DROSHA: variants seen among roughly 807,000 people sequenced by gnomAD.
The protein encoded by DROSHA is ribonuclease 3.
In DROSHA, 56 loss-of-function variants were observed where a neutral mutation model predicts 181.9. The ratio of observed to expected loss-of-function variants is 0.31; its 90% CI spans 0.25 to 0.38. The LOEUF is 0.38. Ranked by LOEUF, DROSHA falls within the 10% of genes least tolerant of loss-of-function variation. DROSHA has a pLI of 1.00. For missense variants in DROSHA, 1,218 were observed against 1,743.5 expected, an observed-to-expected ratio of 0.70 and a Z score of 5.37; for synonymous variants, 524 against 591.2, an observed-to-expected ratio of 0.89 and a Z score of 1.65.
At chr5:31,463,361 C>G (rs1488092766) in intron 20 of DROSHA, among the ~76,000 whole-genome samples, 1 of 152,048 alleles carries the variant, frequency 6.6e-6, no homozygotes, top group Non-Finnish European at 1.5e-5. Flanking sequence ...AATTAAAAGC[C>G]AACACTGATT....
intron 35 of DROSHA, 105 bp downstream of exon 35, chr5:31,405,570 CAA>C: frequency 9.8e-7 from 1 of 1,021,514 alleles, no homozygotes; most frequent in Admixed American, 2.8e-5. Context: ...CTGAAGAAAA[CAA>C]GATCACATTT....
intron 30 of DROSHA, among the ~76,000 whole-genome samples, chr5:31,412,847 T>C (rs1488073833): frequency 1.3e-5 from 2 of 152,188 alleles, no homozygotes; most frequent in African/African-American, 4.8e-5. Context: ...AAGTGATATA[T>C]CTTTTTTGGT....
At chr5:31,498,532 G>A (rs1251976936) in intron 11 of DROSHA, among the ~76,000 whole-genome samples, 2 of 152,142 alleles carry the variant, frequency 1.3e-5, no homozygotes, top group East Asian at 3.9e-4. Context: ...AGCATGAGAG[G>A]TGGTGGAACA....
Position 31,515,010 on chromosome 5 carries a change from G to C in DROSHA, c.1268C>G (p.Ser423Cys). ...IRCTHSENYY[S>C]SDPMDQVGDS... ...TACCACCTGATCCATGGGGTCACTG[G>C]AGTAGTAGTTTTCTGAATGAGTGCA... The change falls in exon 8 of 36, where the codon TCC becomes TGC. Residue 423 changes from serine (S) to cysteine (C), a missense_variant. Physicochemically the swap from Ser to Cys is moderately radical, Grantham distance 112. This residue lies in a region of DROSHA where 460 missense variants were observed against 774.2 expected (regional missense o/e 0.59). Transcript: ENST00000344624. 1 of 1,613,936 alleles carries C rather than the reference G, an allele frequency of 6.2e-7. No homozygotes were observed. The highest frequency in any genetic ancestry group is 8.5e-7 in the Non-Finnish European group (1 of 1,179,880).
At chr5:31,429,649 A>C (rs1472795981) in intron 26 of DROSHA, 104 bp from the exon 27 acceptor site, 6 of 843,456 alleles carry the variant, frequency 7.1e-6, no homozygotes, top group African/African-American at 3.5e-5. Flanking sequence ...AACTACTCAC[A>C]GAAAACAAAT....
chr5:31,473,023 G>A (rs1012427177), intron 16 of DROSHA, among the ~76,000 whole-genome samples: 1 of 152,118 alleles, frequency 6.6e-6, no homozygotes, highest in Non-Finnish European at 1.5e-5. Context: ...GACCAACATG[G>A]GCAACCATTT....
intron 16 of DROSHA, among the ~76,000 whole-genome samples, chr5:31,476,784 A>G (rs1211732486): frequency 1.3e-5 from 2 of 152,180 alleles, no homozygotes; most frequent in Non-Finnish European, 2.9e-5. Context: ...GGCATGGGCT[A>G]TATCTCTCAC....
intron 17 of DROSHA, among the ~76,000 whole-genome samples, chr5:31,468,367 A>T (rs947374402): frequency 3.3e-5 from 5 of 152,208 alleles, no homozygotes; most frequent in African/African-American, 1.2e-4. Flanking sequence ...ACTTTTCCTT[A>T]ACCTCTCTGA....
intron 11 of DROSHA, among the ~76,000 whole-genome samples, chr5:31,498,097 T>TA (rs1264841814): frequency 2.0e-5 from 3 of 152,194 alleles, no homozygotes; most frequent in Non-Finnish European, 4.4e-5. Context: ...TTTTAAGACT[T>TA]ATGAAAGCTG....
At chr5:31,447,201 T>C (rs1746413644) in intron 23 of DROSHA, among the ~76,000 whole-genome samples, 2 of 151,904 alleles carry the variant, frequency 1.3e-5, no homozygotes, top group Non-Finnish European at 1.5e-5. Context: ...CATGGACACA[T>C]AGAGGAGAAC....
chr5:31,473,992 A>G (rs1439907531), intron 16 of DROSHA, among the ~76,000 whole-genome samples: 3 of 152,220 alleles, frequency 2.0e-5, no homozygotes, highest in African/African-American at 7.2e-5. Context: ...GTCCCATGTC[A>G]GTATCACTAG....
chr5:31,530,730 C>T (rs1397439058), intron 3 of DROSHA, 68 bp downstream of exon 3: 2 of 395,230 alleles, frequency 5.1e-6, no homozygotes, highest in Non-Finnish European at 8.9e-6. Context: ...TGAAGCCCTT[C>T]CTGATTCCCT....
rs1424971351 is a variant in DROSHA, at chr5:31,525,989, C to G, written c.854+90G>C. ...TCCTTACATAAATCAAGATGCCCTA[C>G]TGGATCCTTTTGGTTTGGTTGTCAT... On this transcript the variant is annotated intron_variant, in intron 5 of 35. Transcript: ENST00000344624. 3.1e-6 allele frequency: 4 copies of G among 1,292,488 alleles called. No individual in the cohort carries two copies. In the East Asian group the frequency reaches 9.4e-5, roughly 30 times the overall value. 80.1% of individuals were successfully genotyped at this position (1,292,488 alleles called of 1,614,324 possible). A position where few individuals can be genotyped will look rare whatever the true frequency, so the allele number is the denominator to read the frequency against.
chr5:31,517,448 C>T (rs144405500), intron 6 of DROSHA, among the ~76,000 whole-genome samples: 1 of 152,248 alleles, frequency 6.6e-6, no homozygotes, highest in African/African-American at 2.4e-5. Flanking sequence ...AATTCTCTCT[C>T]TCCAAGGTGT....
intron 8 of DROSHA, among the ~76,000 whole-genome samples, chr5:31,513,148 G>A (rs1391672254): frequency 6.6e-6 from 1 of 152,240 alleles, no homozygotes; most frequent in East Asian, 1.9e-4. Flanking sequence ...AGGGATGAAA[G>A]GAGAGCTCGG....
In DROSHA at chr5:31,457,898, A is replaced by G. The variant is rs536718302; in HGVS notation, c.2575-6258T>C. On this transcript the variant is annotated intron_variant, in intron 20 of 35. Transcript: ENST00000344624. ...ACACAGCAAGACCCTGACTCAATCA[A>G]TCTGTCAGTCAGTCAATGGAACTCT... Among the ~76,000 whole-genome samples, 17 of 152,302 alleles carry G rather than the reference A, an allele frequency of 1.1e-4. No individual in the cohort carries two copies. The South Asian group carries it at 3.5e-3, about 32-fold the overall frequency.
intron 23 of DROSHA, among the ~76,000 whole-genome samples, chr5:31,446,609 T>C (rs10067066): frequency 0.13 from 18,899 of 150,364 alleles, 1,661 homozygotes; most frequent in African/African-American, 0.25. Flanking sequence ...CATCCAAGTT[T>C]ATGAATCAGA....
chr5:31,408,606 T>G (rs615435), intron 33 of DROSHA: 11,493 of 158,446 alleles, frequency 0.073, 1,409 homozygotes, highest in African/African-American at 0.26. Flanking sequence ...AAGTTCCAAG[T>G]TGAAGCCAAT....
In DROSHA at chr5:31,470,194, A is replaced by G. The variant is rs975512387; in HGVS notation, c.2241+1869T>C. ...TGACTAGGTCTGACTTCATGTTGTTAATACTGGCTTTACAGCATCTCAAGG... is the reference window on the plus strand; with the variant it reads ...TGACTAGGTCTGACTTCATGTTGTTGATACTGGCTTTACAGCATCTCAAGG... On this transcript the variant is annotated intron_variant, in intron 17 of 35. Coordinates refer to ENST00000344624, the MANE Select transcript of DROSHA (RefSeq NM_001382508.1). The surrounding 1 kb of genome is among the most constrained non-coding windows in gnomAD (Gnocchi z 4.0). Among the ~76,000 whole-genome samples the G allele has an allele frequency of 1.3e-5, 2 of 152,220 alleles. No individual in the cohort carries two copies. Among genetic ancestry groups the G allele is most frequent in the Admixed American group, 1.3e-4 (2 of 15,276 alleles).
Sources: allele counts gnomAD v4.1 joint callset (sites outside exome capture counted in the v4.1 genomes callset), GRCh38; gene constraint gnomAD v4.1.1; regional missense constraint gnomAD v4.1.1; non-coding constraint Gnocchi (gnomAD v3.1); transcripts MANE v1.5; gene names NCBI Gene and HGNC (gene_info 2026-07-23, HGNC 2026-07-21).